Variants in RFC3 observed in about 807,000 individuals in gnomAD.
RFC3 encodes replication factor C subunit 3.
A neutral mutation model predicts 45.1 loss-of-function variants in RFC3; 41 were observed. That is an observed-to-expected ratio of 0.91 (90% CI 0.71 to 1.18). RFC3 has a LOEUF of 1.18. Ranked by LOEUF, RFC3 falls within the 50% of genes most tolerant of loss-of-function variation. RFC3 has a pLI of 0.00. For missense variants in RFC3, 423 were observed against 428.1 expected, an observed-to-expected ratio of 0.99 and a Z score of 0.10; for synonymous variants, 149 against 144.0, an observed-to-expected ratio of 1.03 and a Z score of -0.25.
At chr13:33,884,308 A>G (rs935908172) in intron 8 of RFC3, among the ~76,000 whole-genome samples, 4 of 152,170 alleles carry the variant, frequency 2.6e-5, no homozygotes, top group Non-Finnish European at 4.4e-5. Context: ...GAAATTTTAT[A>G]TTCACTTGTC....
At position 33,818,217 on chromosome 13, in the gene RFC3, G is replaced by C; in HGVS notation, c.39G>C (p.Leu13Phe). 6.2e-7 allele frequency: 1 copy of C among 1,613,636 alleles called. No individual in the cohort carries two copies. Among genetic ancestry groups the C allele is most frequent in the South Asian group, 1.1e-5 (1 of 91,070 alleles). ...TGGACAAGTATCGGCCCTGCTCCTT[G>C]GGACGGCTGGACTATCACAAGGAGC... ...LWVDKYRPCSLGRLDYHKEQA... is the reference protein window; with the variant it reads ...LWVDKYRPCSFGRLDYHKEQA... Residue 13 changes from leucine to phenylalanine, a missense_variant, in exon 1 of 9, where the codon TTG (leucine) becomes TTC (phenylalanine). By Grantham distance (22) the Leu-to-Phe change is conservative. Coordinates refer to ENST00000380071, the MANE Select transcript of RFC3 (RefSeq NM_002915.4).
chr13:33,855,959 G>T (rs1566003786), intron 8 of RFC3, among the ~76,000 whole-genome samples: 1 of 152,162 alleles, frequency 6.6e-6, no homozygotes, highest in East Asian at 1.9e-4. Context: ...CTGTGCAGAA[G>T]CTCTTTAGTT....
At chr13:33,888,119 T>A (rs2082538684) in intron 8 of RFC3, among the ~76,000 whole-genome samples, 2 of 152,236 alleles carry the variant, frequency 1.3e-5, no homozygotes, top group African/African-American at 4.8e-5. Flanking sequence ...CAGGCTCTTT[T>A]TTGGTTCCAT....
chr13:33,862,984 A>G (rs2082350939), intron 8 of RFC3, among the ~76,000 whole-genome samples: 1 of 152,176 alleles, frequency 6.6e-6, no homozygotes, highest in Non-Finnish European at 1.5e-5. Context: ...TAATTCTTAC[A>G]TGCATTTCTA....
chr13:33,924,727 GTATA>G (rs36101784), intron 8 of RFC3, among the ~76,000 whole-genome samples: 2,125 of 89,228 alleles, frequency 0.024, 61 homozygotes, highest in African/African-American at 0.13. Flanking sequence ...GTGTGTGTGT[GTATA>G]TATATATATA....
chr13:33,940,746 C>T (rs1393922405), intron 8 of RFC3, among the ~76,000 whole-genome samples: 1 of 152,170 alleles, frequency 6.6e-6, no homozygotes, highest in East Asian at 1.9e-4. Flanking sequence ...TGAAACCTTA[C>T]AATAGTTTAG....
At chr13:33,909,621 T>C (rs2082692413) in intron 8 of RFC3, among the ~76,000 whole-genome samples, 1 of 152,098 alleles carries the variant, frequency 6.6e-6, no homozygotes, top group South Asian at 2.1e-4. Flanking sequence ...TCTTCTATTT[T>C]CTAGTGTGGG....
downstream of RFC3, among the ~76,000 whole-genome samples, chr13:33,968,588 G>A (rs2083098474): frequency 6.6e-6 from 1 of 152,108 alleles, no homozygotes; most frequent in Non-Finnish European, 1.5e-5. Context: ...TTTTCTGTGT[G>A]CTTTCCATGC....
chr13:33,904,725 G>A (rs1042832088), intron 8 of RFC3, among the ~76,000 whole-genome samples: 7 of 151,812 alleles, frequency 4.6e-5, no homozygotes, highest in Admixed American at 1.3e-4. Flanking sequence ...CCCTTCTCTC[G>A]CCGCAATTTC....
chr13:33,830,981 A>G, intron 6 of RFC3, 126 bp downstream of exon 6: 1 of 726,956 alleles, frequency 1.4e-6, no homozygotes, highest in Non-Finnish European at 2.2e-6. Flanking sequence ...TCAGGATGAA[A>G]TTGTTCCACC....
At chr13:33,928,978 A>T (rs899015662) in intron 8 of RFC3, among the ~76,000 whole-genome samples, 5 of 152,182 alleles carry the variant, frequency 3.3e-5, no homozygotes, top group African/African-American at 1.2e-4. Flanking sequence ...TATGCCAAAA[A>T]GTTTCAAAAT....
At chr13:33,826,191 A>G (rs2082047612) in intron 4 of RFC3, among the ~76,000 whole-genome samples, 1 of 152,198 alleles carries the variant, frequency 6.6e-6, no homozygotes, top group Non-Finnish European at 1.5e-5. Flanking sequence ...AATATCAGCT[A>G]TATTCCCACC....
intron 8 of RFC3, among the ~76,000 whole-genome samples, chr13:33,942,461 T>C (rs191982379): frequency 1.4e-4 from 22 of 152,288 alleles, no homozygotes; most frequent in African/African-American, 5.3e-4. Context: ...ATCATTTCTT[T>C]GTGTTAGGAA....
At chr13:33,919,260 C>A (rs1403906400) in intron 8 of RFC3, among the ~76,000 whole-genome samples, 1 of 151,886 alleles carries the variant, frequency 6.6e-6, no homozygotes, top group Non-Finnish European at 1.5e-5. Flanking sequence ...AATTAGAAGA[C>A]ATGTATTTGA....
In RFC3 at chr13:33,823,964, C is replaced by T; in HGVS notation, c.273C>T (p.Tyr91=). The T allele has an allele frequency of 6.4e-7, 1 of 1,561,104 alleles. No individual in the cohort carries two copies. The highest frequency in any genetic ancestry group is 8.8e-7 in the Non-Finnish European group (1 of 1,139,050). The change falls in exon 3 of 9, where the codon TAC becomes TAT. Residue 91 remains tyrosine, a synonymous_variant. Coordinates refer to ENST00000380071, the MANE Select transcript of RFC3 (RefSeq NM_002915.4). ...AAATTAGCACCATTGCAAGTAACTA[C>T]CACCTTGAAGTTAATCCTAGGTAAG... ...KIEISTIASN[Y]HLEVNPSDAG...
intron 8 of RFC3, among the ~76,000 whole-genome samples, chr13:33,852,164 TG>T (rs2082280823): frequency 6.6e-6 from 1 of 152,180 alleles, no homozygotes; most frequent in South Asian, 2.1e-4. Context: ...CAGGAATAAT[TG>T]TTTCCTGTTT....
intron 8 of RFC3, among the ~76,000 whole-genome samples, chr13:33,913,395 C>G (rs1364383732): frequency 6.6e-6 from 1 of 152,120 alleles, no homozygotes; most frequent in African/African-American, 2.4e-5. Context: ...ACTGCGGAAT[C>G]TCTTCTTCAT....
At chr13:33,852,047 T>A (rs1446318836) in intron 8 of RFC3, among the ~76,000 whole-genome samples, 1 of 152,164 alleles carries the variant, frequency 6.6e-6, no homozygotes, top group Non-Finnish European at 1.5e-5. Context: ...TATTGAAAAC[T>A]AACTATGAGA....
intron 8 of RFC3, among the ~76,000 whole-genome samples, chr13:33,910,727 G>A (rs150848739): frequency 1.3e-5 from 2 of 152,204 alleles, no homozygotes; most frequent in East Asian, 1.9e-4. Flanking sequence ...AAAGAAATAT[G>A]TGAGACTGGG....
Sources: allele counts gnomAD v4.1 joint callset (sites outside exome capture counted in the v4.1 genomes callset), GRCh38; gene constraint gnomAD v4.1.1; transcripts MANE v1.5; gene names NCBI Gene and HGNC (gene_info 2026-07-23, HGNC 2026-07-21).